Variants in PRKN observed in about 807,000 individuals in gnomAD.
PRKN encodes parkin RBR E3 ubiquitin protein ligase.
PRKN carries 56 observed loss-of-function variants against 59.5 expected under a neutral mutation model. The observed-to-expected ratio is 0.94, with a 90% CI of 0.76 to 1.18. The LOEUF is 1.18. Ranked by LOEUF, PRKN falls within the 50% of genes most tolerant of loss-of-function variation. The pLI is 0.00. For missense variants in PRKN, 657 were observed against 596.4 expected (o/e 1.10, Z -1.06); for synonymous variants, 250 against 222.1 (o/e 1.13, Z -1.12).
At chr6:162,475,816 A>T (rs949208666) in intron 1 of PRKN, among the ~76,000 whole-genome samples, 2 of 152,230 alleles carry the variant, frequency 1.3e-5, no homozygotes, top group African/African-American at 4.8e-5. Flanking sequence ...CAGTGGCGCA[A>T]TCTCAGCTCA....
In PRKN at chr6:161,554,368, G is replaced by A. The variant is rs1264281274; in HGVS notation, c.934-5365C>T. On this transcript the variant is annotated intron_variant, in intron 8 of 11. Coordinates refer to ENST00000366898, the MANE Select transcript of PRKN (RefSeq NM_004562.3). This position sits in a 1 kb window ranked among gnomAD's most constrained non-coding sequence, Gnocchi z 4.5. ...ACATGCGGCCATTTCGAACTATGCT[G>A]TCTTTCTCTTAACCTTCATGTTATC... 2.0e-5 allele frequency among the ~76,000 whole-genome samples: 3 copies of A among 150,574 alleles called. No homozygotes were observed. The East Asian group carries it at 5.9e-4, about 30-fold the overall frequency.
Position 161,499,996 on chromosome 6 carries a change from T to C in PRKN, c.1083+48858A>G, listed in dbSNP as rs1486676206. On this transcript the variant is annotated intron_variant, in intron 9 of 11. Transcript: ENST00000366898. The surrounding 1 kb of genome is among the most constrained non-coding windows in gnomAD (Gnocchi z 4.2). ...TCTCCTCCTTCCCCACTTTTGTTCATGCAGTGTCTTTGCCAAAAGTCCTTC... is the reference window on the plus strand; with the variant it reads ...TCTCCTCCTTCCCCACTTTTGTTCACGCAGTGTCTTTGCCAAAAGTCCTTC... 6.6e-6 allele frequency among the ~76,000 whole-genome samples: 1 copy of C among 152,192 alleles called. No individual in the cohort carries two copies.
chr6:161,779,308 G>C (rs1473450925), intron 7 of PRKN, among the ~76,000 whole-genome samples: 2 of 151,898 alleles, frequency 1.3e-5, no homozygotes, highest in African/African-American at 2.4e-5. Flanking sequence ...AGAAAGCTGT[G>C]CCCTGGGAGT....
In PRKN at chr6:162,009,177, C is replaced by T. The variant is rs112795321; in HGVS notation, c.619-35760G>A. 5.7e-3 allele frequency among the ~76,000 whole-genome samples: 873 copies of T among 151,862 alleles called. 15 individuals are homozygous for T. Among genetic ancestry groups the T allele is most frequent in the African/African-American group, 0.018 (748 of 41,260 alleles). On this transcript the variant is annotated intron_variant, in intron 5 of 11. Transcript: ENST00000366898. Reference sequence around the variant, plus strand: ...CTGAGGCAGGAGAACTGCTTGAACCCGGGAGGTGGAGGTTGCAGTGAGCTG... The same window carrying T: ...CTGAGGCAGGAGAACTGCTTGAACCTGGGAGGTGGAGGTTGCAGTGAGCTG...
intron 1 of PRKN, among the ~76,000 whole-genome samples, chr6:162,617,422 G>A (rs1253421171): frequency 6.6e-6 from 1 of 152,098 alleles, no homozygotes; most frequent in Non-Finnish European, 1.5e-5. Flanking sequence ...GGTAGAGACA[G>A]GGTTTCACCA....
intron 1 of PRKN, among the ~76,000 whole-genome samples, chr6:162,452,660 A>C (rs1038105757): frequency 6.6e-6 from 1 of 152,146 alleles, no homozygotes; most frequent in Non-Finnish European, 1.5e-5. Context: ...TCCTTCCAAA[A>C]AGGGCAGGAG....
chr6:162,196,282 A>G (rs1784494756), intron 4 of PRKN, among the ~76,000 whole-genome samples: 1 of 152,208 alleles, frequency 6.6e-6, no homozygotes, highest in Non-Finnish European at 1.5e-5. Context: ...AGTCAAAATA[A>G]TTAAAAATTA....
intron 9 of PRKN, among the ~76,000 whole-genome samples, chr6:161,415,514 C>T (rs1389453101): frequency 6.6e-6 from 1 of 151,262 alleles, no homozygotes; most frequent in Admixed American, 6.6e-5. Context: ...TTGTTCCAGC[C>T]ACAGATGAGG....
At chr6:161,867,601 T>C (rs1265196096) in intron 6 of PRKN, among the ~76,000 whole-genome samples, 4 of 152,138 alleles carry the variant, frequency 2.6e-5, no homozygotes, top group Non-Finnish European at 5.9e-5. Context: ...GATGTCTGTT[T>C]AGATTAATTA....
chr6:161,621,620 C>A (rs1782903064), intron 7 of PRKN, among the ~76,000 whole-genome samples: 1 of 152,182 alleles, frequency 6.6e-6, no homozygotes, highest in Non-Finnish European at 1.5e-5. Flanking sequence ...CACATCCCAA[C>A]CTCCTCTGGA....
At chr6:162,559,538 T>G (rs1779750959) in intron 1 of PRKN, among the ~76,000 whole-genome samples, 1 of 152,160 alleles carries the variant, frequency 6.6e-6, no homozygotes, top group Non-Finnish European at 1.5e-5. Context: ...AAGCTACGGG[T>G]CACTTGTGAA....
chr6:162,407,693 T>C (rs771975356), intron 2 of PRKN, among the ~76,000 whole-genome samples: 4 of 152,162 alleles, frequency 2.6e-5, no homozygotes, highest in Admixed American at 6.6e-5. Flanking sequence ...GGCTAATGAC[T>C]GACACAGTTA....
chr6:161,702,135 A>C (rs1366783641), intron 7 of PRKN, among the ~76,000 whole-genome samples: 1 of 152,250 alleles, frequency 6.6e-6, no homozygotes, highest in Non-Finnish European at 1.5e-5. Flanking sequence ...TCCCTTAAAA[A>C]ATATAAATGC....
At chr6:162,645,269 G>A (rs1385401206) in intron 1 of PRKN, among the ~76,000 whole-genome samples, 1 of 152,052 alleles carries the variant, frequency 6.6e-6, no homozygotes, top group Non-Finnish European at 1.5e-5. Flanking sequence ...AAAAGGAAAA[G>A]AAATATTGTA....
At chr6:162,225,729 T>G (rs1778140743) in intron 3 of PRKN, among the ~76,000 whole-genome samples, 1 of 152,024 alleles carries the variant, frequency 6.6e-6, no homozygotes, top group Non-Finnish European at 1.5e-5. Flanking sequence ...CAACCCACAG[T>G]AACAAAATTG....
intron 5 of PRKN, among the ~76,000 whole-genome samples, chr6:161,999,926 A>T (rs1212282352): frequency 6.6e-6 from 1 of 152,166 alleles, no homozygotes; most frequent in African/African-American, 2.4e-5. Context: ...TCAAAGAAAT[A>T]CTAATAGTAA....
intron 4 of PRKN, among the ~76,000 whole-genome samples, chr6:162,096,830 T>C (rs1481449162): frequency 6.7e-6 from 1 of 148,522 alleles, no homozygotes; most frequent in Non-Finnish European, 1.5e-5. Flanking sequence ...AGTGTGAGAA[T>C]GGACTCATAC....
chr6:161,959,454 A>T (rs1304063154), intron 6 of PRKN, among the ~76,000 whole-genome samples: 1 of 152,192 alleles, frequency 6.6e-6, no homozygotes, highest in African/African-American at 2.4e-5. Context: ...AGCCACATAT[A>T]AGAGGTTAAA....
At chr6:162,255,621 C>G (rs6934605) in intron 3 of PRKN, among the ~76,000 whole-genome samples, 37,831 of 152,022 alleles carry the variant, frequency 0.25, 5,919 homozygotes, top group African/African-American at 0.43. Context: ...AAAGTAAATT[C>G]TCCGAGTCCT....
Sources: allele counts gnomAD v4.1 joint callset (sites outside exome capture counted in the v4.1 genomes callset), GRCh38; gene constraint gnomAD v4.1.1; non-coding constraint Gnocchi (gnomAD v3.1); transcripts MANE v1.5; gene names NCBI Gene and HGNC (gene_info 2026-07-23, HGNC 2026-07-21).